The following NTM variants were observed in gnomAD, a reference collection of about 807,000 sequenced individuals.
The protein encoded by NTM is IgLON family member 2.
A neutral mutation model predicts 42.1 loss-of-function variants in NTM; 13 were observed. That is an observed-to-expected ratio of 0.31 (90% CI 0.20 to 0.49). The LOEUF (loss-of-function observed/expected upper bound fraction) is 0.49. Ranked by LOEUF, NTM falls within the 20% of genes least tolerant of loss-of-function variation. The pLI is 0.99. For missense variants in NTM, 373 were observed against 452.8 expected, an observed-to-expected ratio of 0.82 and a Z score of 1.60; for synonymous variants, 187 against 179.2, an observed-to-expected ratio of 1.04 and a Z score of -0.35.
intron 1 of NTM, among the ~76,000 whole-genome samples, chr11:131,498,781 G>T (rs1217128711): frequency 1.3e-5 from 2 of 152,218 alleles, no homozygotes; most frequent in Non-Finnish European, 2.9e-5. Flanking sequence ...CCAGGAGGGG[G>T]TGGCCACTTG....
rs58622072 is a variant in NTM, at chr11:131,765,387, G to T, written c.83-146177G>T. Among the ~76,000 whole-genome samples the T allele has an allele frequency of 3.7e-4, 56 of 152,174 alleles. No individual in the cohort carries two copies. In the South Asian group the frequency reaches 4.8e-3, roughly 13 times the overall value. Reference sequence around the variant, plus strand: ...AGGGCGCCACACCTTCTGAGGCTACGCCAGGTTCAACCCCCATCTCTCTAG... The same window carrying T: ...AGGGCGCCACACCTTCTGAGGCTACTCCAGGTTCAACCCCCATCTCTCTAG... On this transcript the variant is annotated intron_variant, in intron 1 of 8. Transcript: ENST00000683400.
rs148936377 is a variant in NTM, at chr11:131,733,604, T to C, written c.83-177960T>C. Among the ~76,000 whole-genome samples, 1,218 of 152,062 alleles carry C rather than the reference T, an allele frequency of 8.0e-3. 17 individuals are homozygous for C. The highest frequency in any genetic ancestry group is 0.024 in the African/African-American group (988 of 41,478). ...GTGCAGTGGTGCGATCTCAGCTCAC[T>C]GGCTCACTGCAACCTCTGCCTACCA... is the stretch of plus-strand genomic sequence containing the variant. On this transcript the variant is annotated intron_variant, in intron 1 of 8. Transcript: ENST00000683400.
intron 1 of NTM, among the ~76,000 whole-genome samples, chr11:131,551,733 G>A (rs1423013955): frequency 6.6e-6 from 1 of 152,158 alleles, no homozygotes; most frequent in East Asian, 1.9e-4. Flanking sequence ...ATGTTTTTGT[G>A]GAGAATTCAG....
intron 3 of NTM, among the ~76,000 whole-genome samples, chr11:132,203,186 T>C (rs2081409876): frequency 6.6e-6 from 1 of 152,162 alleles, no homozygotes; most frequent in Admixed American, 6.6e-5. Flanking sequence ...CTTGAGCACA[T>C]CAGCAGGGCG....
chr11:132,314,478 C>A, intron 6 of NTM, 74 bp from the exon 7 acceptor site: 2 of 1,493,354 alleles, frequency 1.3e-6, no homozygotes, highest in East Asian at 2.3e-5. Flanking sequence ...ACCAGGAATC[C>A]CTGGGCCTAT....
At chr11:131,816,532 T>C (rs1054749502) in intron 1 of NTM, among the ~76,000 whole-genome samples, 8 of 131,198 alleles carry the variant, frequency 6.1e-5, no homozygotes, top group African/African-American at 2.7e-4. Flanking sequence ...ACAAGTTCAT[T>C]GAATATTAAA....
chr11:131,941,865 T>C (rs2059827059), intron 2 of NTM, among the ~76,000 whole-genome samples: 1 of 152,192 alleles, frequency 6.6e-6, no homozygotes, highest in African/African-American at 2.4e-5. Context: ...AGGTGAGGTG[T>C]AGATCCATTC....
intron 2 of NTM, among the ~76,000 whole-genome samples, chr11:131,924,351 G>T (rs942829846): frequency 2.6e-5 from 4 of 152,190 alleles, no homozygotes; most frequent in Non-Finnish European, 5.9e-5. Flanking sequence ...CAGGCTTCAG[G>T]TTCACTCTGT....
chr11:131,729,596 G>C (rs2658850), intron 1 of NTM, among the ~76,000 whole-genome samples: 39,565 of 151,786 alleles, frequency 0.26, 6,683 homozygotes, highest in African/African-American at 0.48. Flanking sequence ...CCCATTCCCC[G>C]TCCTCCCAGC....
chr11:131,655,874 CTTTCTGAAGTGCT>C (rs770760089), intron 1 of NTM, among the ~76,000 whole-genome samples: 23 of 152,232 alleles, frequency 1.5e-4, no homozygotes, highest in Non-Finnish European at 2.9e-4. Context: ...GAAGCAGTGC[CTTTCTGAAGTGCT>C]GGGACCAAAT....
At chr11:131,729,835 T>G (rs949670636) in intron 1 of NTM, among the ~76,000 whole-genome samples, 5 of 152,212 alleles carry the variant, frequency 3.3e-5, no homozygotes, top group Admixed American at 1.3e-4. Context: ...CAATTGAAAT[T>G]GTTATCAGTT....
intron 1 of NTM, among the ~76,000 whole-genome samples, chr11:131,428,091 T>C (rs1353592204): frequency 6.6e-6 from 1 of 152,208 alleles, no homozygotes; most frequent in Non-Finnish European, 1.5e-5. Flanking sequence ...ACCTACCCAT[T>C]AAACATGTGG....
intron 1 of NTM, among the ~76,000 whole-genome samples, chr11:131,792,204 A>G (rs1159216735): frequency 6.6e-6 from 1 of 152,190 alleles, no homozygotes; most frequent in Admixed American, 6.5e-5. Flanking sequence ...ATAAATATAT[A>G]CCTACTATCT....
intron 1 of NTM, among the ~76,000 whole-genome samples, chr11:131,609,513 G>C (rs2061300636): frequency 6.6e-6 from 1 of 152,130 alleles, no homozygotes; most frequent in Non-Finnish European, 1.5e-5. Flanking sequence ...GTGGTTTCCT[G>C]ACTGTGACTC....
intron 2 of NTM, among the ~76,000 whole-genome samples, chr11:131,997,155 G>A (rs1017676916): frequency 1.3e-5 from 2 of 152,200 alleles, no homozygotes; most frequent in African/African-American, 4.8e-5. Flanking sequence ...TCTAAAGTCA[G>A]CATACATCAC....
chr11:131,972,966 A>C (rs1174587689), intron 2 of NTM, among the ~76,000 whole-genome samples: 1 of 152,242 alleles, frequency 6.6e-6, no homozygotes. Context: ...AACCAGGCAG[A>C]TAAACAAATA....
At chr11:131,945,160 T>A (rs1211933889) in intron 2 of NTM, among the ~76,000 whole-genome samples, 1 of 152,250 alleles carries the variant, frequency 6.6e-6, no homozygotes, top group Non-Finnish European at 1.5e-5. Flanking sequence ...CAAAATTGCA[T>A]AAGTCAAGTC....
chr11:132,284,056 C>CCAGCCCCTGGGGCCT (rs2094121203), intron 4 of NTM, among the ~76,000 whole-genome samples: 2 of 152,166 alleles, frequency 1.3e-5, no homozygotes, highest in Admixed American at 6.5e-5. Context: ...AAGGACTGTC[C>CCAGCCCCTGGGGCCT]CAGCCCCTGG....
rs535015135 is a variant in NTM, at chr11:131,495,801, G to T, written c.82+124913G>T. On this transcript the variant is annotated intron_variant, in intron 1 of 8. Transcript: ENST00000683400. ...GGCCCCAGGTTAAAGTCAGCTTCTT[G>T]CTCTTGCTCCCAGCCAACCCTAACT... is the stretch of plus-strand genomic sequence containing the variant. Among the ~76,000 whole-genome samples, 31 of 152,336 alleles carry T rather than the reference G, an allele frequency of 2.0e-4. 1 individual carries two copies. In the South Asian group the frequency reaches 5.6e-3, roughly 27 times the overall value.
Sources: gnomAD v4.1 joint callset for allele counts (sites outside exome capture counted in the v4.1 genomes callset) on GRCh38, gnomAD v4.1.1 for gene constraint, MANE v1.5 for transcripts, NCBI Gene and HGNC (gene_info 2026-07-23, HGNC 2026-07-21) for gene names.